Variants in UPK1A observed in about 807,000 individuals in gnomAD.
UPK1A encodes the protein uroplakin 1A, also known as uroplakin-1a.
Under a neutral mutation model 32.3 loss-of-function variants are expected in UPK1A, and 31 were observed. The ratio of observed to expected loss-of-function variants is 0.96; its 90% CI spans 0.72 to 1.30. The LOEUF (loss-of-function observed/expected upper bound fraction) is 1.30, where lower values mean the gene tolerates loss of function less well. Among genes scored for constraint, UPK1A ranks in the 50% most tolerant of loss-of-function variants. The pLI is 0.00. For synonymous variants in UPK1A, 135 were observed against 137.1 expected (o/e 0.98, Z 0.11); for missense variants, 340 against 357.4 (o/e 0.95, Z 0.39).
intron 3 of UPK1A, among the ~76,000 whole-genome samples, chr19:35,669,499 TAAAA>T (rs34854874): frequency 8.6e-6 from 1 of 116,268 alleles, no homozygotes. Flanking sequence ...ATCCCATCTC[TAAAA>T]AAAAAAAAAA....
chr19:35,673,473 G>A (rs1968134623), exon 5 of UPK1A: 1 of 1,613,574 alleles, frequency 6.2e-7, no homozygotes, highest in African/African-American at 1.3e-5. Context: ...CCAAGCAGAT[G>A]CTGACCTTCT....
At chr19:35,669,485 C>T (rs1177366698) in intron 3 of UPK1A, among the ~76,000 whole-genome samples, 2 of 141,416 alleles carry the variant, frequency 1.4e-5, no homozygotes, top group Non-Finnish European at 3.0e-5. Flanking sequence ...GCCAACATGG[C>T]GAAATCCCAT....
At chr19:35,668,465 G>A in exon 3 of UPK1A, 1 of 1,614,144 alleles carries the variant, frequency 6.2e-7, no homozygotes, top group Non-Finnish European at 8.5e-7. Flanking sequence ...TGTCAGGCCT[G>A]TCCCTGTTTG....
intron 5 of UPK1A, among the ~76,000 whole-genome samples, chr19:35,674,436 T>G (rs1254257860): frequency 2.0e-5 from 3 of 151,602 alleles, no homozygotes. Context: ...TTAGTAGAGA[T>G]GGGTGTTAGC....
chr19:35,672,541 T>C (rs557639800), intron 3 of UPK1A, among the ~76,000 whole-genome samples: 11 of 152,054 alleles, frequency 7.2e-5, no homozygotes, highest in African/African-American at 1.7e-4. Context: ...GTGTTGGGAT[T>C]ACAGGCGTAA....
intron 2 of UPK1A, 166 bp from the exon 3 acceptor site, chr19:35,668,288 C>T (rs1397405483): frequency 2.5e-6 from 2 of 803,202 alleles, no homozygotes; most frequent in Admixed American, 2.2e-5. Context: ...CTCTTCTCTC[C>T]TGGCCTCTGC....
chr19:35,667,076 G>C (rs1422440501), intron 2 of UPK1A, among the ~76,000 whole-genome samples, 180 bp downstream of exon 2: 1 of 152,144 alleles, frequency 6.6e-6, no homozygotes, highest in Admixed American at 6.6e-5. Context: ...GCAAGCGACT[G>C]TCCCTCTCTG....
At chr19:35,666,699 G>A (rs1968001693) in intron 1 of UPK1A, 110 bp from the exon 2 acceptor site, 1 of 1,091,802 alleles carries the variant, frequency 9.2e-7, no homozygotes, top group Non-Finnish European at 1.4e-6. Flanking sequence ...GTACCAGCCT[G>A]GGCCCCGCAG....
At chr19:35,670,218 AG>A (rs1225828720) in intron 3 of UPK1A, among the ~76,000 whole-genome samples, 1 of 152,160 alleles carries the variant, frequency 6.6e-6, no homozygotes, top group East Asian at 1.9e-4. Context: ...GAGCTGAGTG[AG>A]GAGGAGGTTG....
rs759924614 is a variant in UPK1A, at chr19:35,675,768, G to C, written c.469-72G>C. The stretch of plus-strand genomic sequence containing the variant: ...TCAAAGGCCAATCCTGCCCCTCCTT[G>C]CTGTGTGACCTCAGGCAAGCAACTG... On this transcript the variant is annotated intron_variant, in intron 5 of 7. Transcript: ENST00000617999. 3.3e-6 allele frequency: 5 copies of C among 1,517,494 alleles called. No homozygotes were observed. The Admixed American group carries it at 8.1e-5, about 25-fold the overall frequency. 94.0% of individuals were successfully genotyped at this position (1,517,494 alleles called of 1,614,324 possible). A position where few individuals can be genotyped will look rare whatever the true frequency, so the allele number is the denominator to read the frequency against.
chr19:35,677,628 A>G (rs915954557), intron 6 of UPK1A, among the ~76,000 whole-genome samples, 184 bp from the exon 7 acceptor site: 2 of 152,108 alleles, frequency 1.3e-5, no homozygotes, highest in Non-Finnish European at 2.9e-5. Context: ...CCTGGGTTCA[A>G]CATCAGCTCC....
chr19:35,671,377 ACT>A (rs1387146024), intron 3 of UPK1A, among the ~76,000 whole-genome samples: 2 of 77,694 alleles, frequency 2.6e-5, no homozygotes, highest in Non-Finnish European at 4.4e-5. Flanking sequence ...ACAGAGCAAG[ACT>A]CTGTCTCAAA....
At chr19:35,677,386 C>T (rs1968197624) in intron 6 of UPK1A, among the ~76,000 whole-genome samples, 1 of 151,656 alleles carries the variant, frequency 6.6e-6, no homozygotes, top group South Asian at 2.1e-4. Flanking sequence ...ATTAGCCGGG[C>T]GTAGTGGTGC....
chr19:35,677,911 C>A lies in UPK1A; in HGVS notation c.732+16C>A, dbSNP rs1968207542. ...GATGTGGACGGTGAGAGGCGGGGAG[C>A]CCACAGGCTGGGTGGGCTGGGGGTG... On this transcript the variant is annotated intron_variant, in intron 7 of 7. Transcript: ENST00000617999. The A allele has an allele frequency of 1.9e-6, 3 of 1,608,494 alleles. No homozygotes were observed. The highest frequency in any genetic ancestry group is 2.2e-5 in the East Asian group (1 of 44,736).
chr19:35,676,021 T>A lies in UPK1A; in HGVS notation c.648+2T>A, dbSNP rs1330002631. The A allele has an allele frequency of 6.2e-7, 1 of 1,611,658 alleles. No homozygotes were observed. The highest frequency in any genetic ancestry group is 8.5e-7 in the Non-Finnish European group (1 of 1,178,960). Reference sequence around the variant, plus strand: ...CACATGGACTACCTGTTCACCAAGGTGTGGCCGTCTGCCCTGCTCCATCTG... The same window carrying A: ...CACATGGACTACCTGTTCACCAAGGAGTGGCCGTCTGCCCTGCTCCATCTG... On this transcript the variant is annotated splice_donor_variant, in intron 6 of 7. Transcript: ENST00000617999. LOFTEE classifies it high-confidence loss of function.
At chr19:35,667,956 ATTT>A (rs536709150) in intron 2 of UPK1A, 1 of 202,534 alleles carries the variant, frequency 4.9e-6, no homozygotes, top group Non-Finnish European at 1.0e-5. Context: ...CATCTAGCTA[ATTT>A]TTTTATTTTT....
At chr19:35,672,330 C>T (rs963514393) in intron 3 of UPK1A, among the ~76,000 whole-genome samples, 1 of 151,110 alleles carries the variant, frequency 6.6e-6, no homozygotes, top group African/African-American at 2.4e-5. Context: ...GGCACAATCT[C>T]GGCTCATTGC....
At chr19:35,672,702 G>A (rs1968121287) in intron 3 of UPK1A, among the ~76,000 whole-genome samples, 1 of 152,194 alleles carries the variant, frequency 6.6e-6, no homozygotes, top group African/African-American at 2.4e-5. Flanking sequence ...CAAATAGCTA[G>A]GACTAACACT....
At chr19:35,668,307 A>T (rs778365279) in intron 2 of UPK1A, 147 bp from the exon 3 acceptor site, 4 of 935,050 alleles carry the variant, frequency 4.3e-6, no homozygotes, top group Admixed American at 2.0e-5. Flanking sequence ...GCTCACCCTC[A>T]TCGCTGCTCA....
Sources: gnomAD v4.1 joint callset for allele counts (sites outside exome capture counted in the v4.1 genomes callset) on GRCh38, gnomAD v4.1.1 for gene constraint, MANE v1.5 for transcripts, NCBI Gene and HGNC (gene_info 2026-07-23, HGNC 2026-07-21) for gene names.